The following IGFBP7 variants were observed in gnomAD, a reference collection of about 807,000 sequenced individuals.
IGFBP7 encodes insulin-like growth factor-binding protein 7.
Under a neutral mutation model 29.4 loss-of-function variants are expected in IGFBP7, and 31 were observed. The ratio of observed to expected loss-of-function variants is 1.05; its 90% CI spans 0.79 to 1.42. The LOEUF (loss-of-function observed/expected upper bound fraction) is 1.42, where lower values mean the gene tolerates loss of function less well. IGFBP7 is among the 40% of genes most tolerant of loss of function. IGFBP7 has a pLI of 0.00. For synonymous variants in IGFBP7, 172 were observed against 174.9 expected (o/e 0.98, Z 0.13); for missense variants, 393 against 395.5 (o/e 0.99, Z 0.05).
intron 1 of IGFBP7, chr4:57,072,619 A>C (rs1439651757): frequency 7.2e-6 from 2 of 277,726 alleles, no homozygotes; most frequent in Non-Finnish European, 1.4e-5. Context: ...CAAAACCTTG[A>C]CCCAGCCACC....
At chr4:57,094,506 T>C (rs1011140808) in intron 1 of IGFBP7, among the ~76,000 whole-genome samples, 3 of 152,130 alleles carry the variant, frequency 2.0e-5, no homozygotes, top group Non-Finnish European at 2.9e-5. Context: ...GCCACTCCTA[T>C]GAAAACTTAA....
At position 57,068,058 on chromosome 4, in the gene IGFBP7, T is replaced by C. The variant is rs574875855; in HGVS notation, c.476-27125A>G. Reference sequence around the variant, plus strand: ...GAAGTGGGCTTTAGGCTGGGAGTGGTGGCTCATGCCGTAGTCACAGCACTT... The same window carrying C: ...GAAGTGGGCTTTAGGCTGGGAGTGGCGGCTCATGCCGTAGTCACAGCACTT... On this transcript the variant is annotated intron_variant, in intron 1 of 4. Transcript: ENST00000295666. Among the ~76,000 whole-genome samples, 7 of 152,260 alleles carry C rather than the reference T, an allele frequency of 4.6e-5. No homozygotes were observed. In the East Asian group the frequency reaches 1.4e-3, roughly 29 times the overall value.
chr4:57,050,058 C>G, intron 1 of IGFBP7, among the ~76,000 whole-genome samples: 1 of 151,884 alleles, frequency 6.6e-6, no homozygotes, highest in Non-Finnish European at 1.5e-5. Context: ...TAACCACTCA[C>G]CAACCAATTA....
intron 1 of IGFBP7, among the ~76,000 whole-genome samples, chr4:57,060,240 A>G (rs1724768630): frequency 6.6e-6 from 1 of 152,220 alleles, no homozygotes. Context: ...TCTCGAGTCC[A>G]ATAACAAGAT....
chr4:57,063,411 C>G (rs4864611), intron 1 of IGFBP7, among the ~76,000 whole-genome samples: 20,732 of 152,222 alleles, frequency 0.14, 1,491 homozygotes, highest in Admixed American at 0.15. Context: ...TTCCTGTGTT[C>G]CAACGCCTGG....
chr4:57,036,686 C>G (rs1724091365), intron 2 of IGFBP7, among the ~76,000 whole-genome samples: 1 of 152,152 alleles, frequency 6.6e-6, no homozygotes, highest in South Asian at 2.1e-4. Flanking sequence ...GTAAAGACCA[C>G]TCGCCAGGCT....
intron 1 of IGFBP7, among the ~76,000 whole-genome samples, chr4:57,083,447 T>C (rs993054810): frequency 2.0e-5 from 3 of 152,258 alleles, no homozygotes; most frequent in African/African-American, 7.2e-5. Flanking sequence ...CTTGCAGTTG[T>C]TCCTTTTAAT....
intron 1 of IGFBP7, among the ~76,000 whole-genome samples, chr4:57,065,180 G>A (rs916194084): frequency 4.6e-5 from 7 of 152,224 alleles, no homozygotes; most frequent in Middle Eastern, 3.2e-3. Context: ...GCCAGGAGGC[G>A]GTCAAGGTCC....
At chr4:57,105,872 G>T (rs1411766735) in intron 1 of IGFBP7, among the ~76,000 whole-genome samples, 3 of 151,978 alleles carry the variant, frequency 2.0e-5, no homozygotes, top group African/African-American at 7.2e-5. Context: ...TGACAGAGCT[G>T]ATCCTTGAAG....
intron 1 of IGFBP7, among the ~76,000 whole-genome samples, chr4:57,055,454 G>A (rs1342235810): frequency 4.6e-5 from 7 of 152,184 alleles, no homozygotes; most frequent in African/African-American, 1.4e-4. Context: ...AGGAGGAGAG[G>A]GGGACAGATT....
At chr4:57,078,503 T>A in intron 1 of IGFBP7, among the ~76,000 whole-genome samples, 1 of 150,454 alleles carries the variant, frequency 6.6e-6, no homozygotes, top group East Asian at 1.9e-4. Context: ...AAAAGAAAAA[T>A]GGTAAAAGAT....
chr4:57,072,081 T>C (rs1725065261), intron 1 of IGFBP7, among the ~76,000 whole-genome samples: 1 of 152,114 alleles, frequency 6.6e-6, no homozygotes, highest in South Asian at 2.1e-4. Context: ...GTTGTACAGA[T>C]TGTTTCATCA....
rs1726165018 is a variant in IGFBP7, at chr4:57,110,303, G to A, written c.49C>T (p.Leu17=). ...GAGGAGAGGGGCAGGAGCAGGAGCA[G>A]CAGCCCAGCGGCGCCGAGGAGCAGG... is the stretch of plus-strand genomic sequence containing the variant. The part of the protein sequence containing the change: ...RALLLGAAGL[L]LLLLPLSSSS... Residue 17 remains leucine (L), a synonymous_variant, in exon 1 of 5, where the codon CTG becomes TTG. Transcript: ENST00000295666. 1.4e-6 allele frequency: 2 copies of A among 1,423,380 alleles called. No individual in the cohort carries two copies. The highest frequency in any genetic ancestry group is 2.8e-5 in the South Asian group (2 of 71,036). The allele number at this position is 1,423,380 out of a possible 1,614,324, so 88.2% of individuals were successfully genotyped here.
Position 57,051,477 on chromosome 4 carries a change from A to T in IGFBP7, c.476-10544T>A, listed in dbSNP as rs28507738. Reference sequence around the variant, plus strand: ...ATGGAAGCTACTGTTAGTCATTTCCACTTTAGTGTGAATGAAGAACCAATA... The same window carrying T: ...ATGGAAGCTACTGTTAGTCATTTCCTCTTTAGTGTGAATGAAGAACCAATA... On this transcript the variant is annotated intron_variant, in intron 1 of 4. Coordinates refer to ENST00000295666, the MANE Select transcript of IGFBP7 (RefSeq NM_001553.3). Among the ~76,000 whole-genome samples, 599 of 152,356 alleles carry T rather than the reference A, an allele frequency of 3.9e-3. 6 individuals carry two copies. Among genetic ancestry groups the T allele is most frequent in the South Asian group, 0.012 (60 of 4,830 alleles).
intron 2 of IGFBP7, among the ~76,000 whole-genome samples, chr4:57,039,033 C>T (rs1300972146): frequency 2.1e-5 from 3 of 143,202 alleles, no homozygotes; most frequent in African/African-American, 7.9e-5. Context: ...CCATTGCACT[C>T]CAGCCTGGGC....
intron 1 of IGFBP7, among the ~76,000 whole-genome samples, chr4:57,047,404 G>A (rs1055442491): frequency 2.0e-5 from 3 of 152,140 alleles, no homozygotes; most frequent in South Asian, 2.1e-4. Flanking sequence ...ACTCAGTCTC[G>A]GGTATGTATT....
chr4:57,039,065 CAAAAAAAAAAA>C (rs71208974), intron 2 of IGFBP7, among the ~76,000 whole-genome samples: 45 of 106,448 alleles, frequency 4.2e-4, no homozygotes, highest in African/African-American at 4.0e-4. Flanking sequence ...AACTATGTCT[CAAAAAAAAAAA>C]AAAAAAAAAA....
intron 1 of IGFBP7, among the ~76,000 whole-genome samples, chr4:57,053,706 T>A (rs1724571183): frequency 6.6e-6 from 1 of 152,054 alleles, no homozygotes; most frequent in Admixed American, 6.5e-5. Context: ...CAGGCTAGGT[T>A]TTGAATTGGT....
intron 1 of IGFBP7, among the ~76,000 whole-genome samples, chr4:57,077,351 C>T (rs757757383): frequency 3.3e-5 from 5 of 152,136 alleles, no homozygotes; most frequent in Non-Finnish European, 7.3e-5. Context: ...GATCTCGGCT[C>T]ACTGCAACCT....
Sources: gnomAD v4.1 joint callset for allele counts (sites outside exome capture counted in the v4.1 genomes callset) on GRCh38, gnomAD v4.1.1 for gene constraint, MANE v1.5 for transcripts, NCBI Gene and HGNC (gene_info 2026-07-23, HGNC 2026-07-21) for gene names.